RAP2A: variants seen among roughly 807,000 people sequenced by gnomAD.
The protein encoded by RAP2A is RAP2A, member of RAS oncogene family, also known as ras-related protein Rap-2a.
RAP2A carries 5 observed loss-of-function variants against 15.1 expected under a neutral mutation model. The observed-to-expected ratio is 0.33, with a 90% CI of 0.17 to 0.70. The LOEUF (loss-of-function observed/expected upper bound fraction) is 0.70, where lower values mean the gene tolerates loss of function less well. Ranked by LOEUF, RAP2A falls within the 30% of genes least tolerant of loss-of-function variation. The pLI, the probability that RAP2A is intolerant of heterozygous loss-of-function variation, is 0.68. For synonymous variants in RAP2A, 110 were observed against 99.7 expected, an observed-to-expected ratio of 1.10 and a Z score of -0.62; for missense variants, 111 against 240.3, an observed-to-expected ratio of 0.46 and a Z score of 3.56.
chr13:97,434,344 G>T lies in RAP2A; in HGVS notation c.-127G>T. The T allele has an allele frequency of 7.9e-6, 6 of 761,572 alleles. No homozygotes were observed. The highest frequency in any genetic ancestry group is 9.5e-6 in the Non-Finnish European group (6 of 628,484). The allele number at this position is 761,572 out of a possible 1,614,324, so 47.2% of individuals were successfully genotyped here. A position where few individuals can be genotyped will look rare whatever the true frequency, so the allele number is the denominator to read the frequency against. On this transcript the variant is annotated 5_prime_UTR_variant, in exon 1 of 2. Transcript: ENST00000245304. ...CCGCCGGCGCCCAGGGGGCCGCCGC[G>T]GCTGTGAGGTGGGGGCGGCAGCGGG...
intron 1 of RAP2A, among the ~76,000 whole-genome samples, chr13:97,442,738 C>G (rs1177286133): frequency 1.3e-5 from 2 of 152,144 alleles, no homozygotes; most frequent in African/African-American, 4.8e-5. Context: ...TCTAAGAAAA[C>G]TAAATGTAAC....
chr13:97,447,585 C>A (rs75177904), intron 1 of RAP2A, among the ~76,000 whole-genome samples: 5 of 152,142 alleles, frequency 3.3e-5, no homozygotes, highest in Non-Finnish European at 7.4e-5. Context: ...TGCATCAAAT[C>A]AATTTAAGCA....
intron 1 of RAP2A, among the ~76,000 whole-genome samples, chr13:97,435,370 CAG>C (rs1482500449): frequency 4.1e-5 from 6 of 148,078 alleles, no homozygotes; most frequent in Non-Finnish European, 8.9e-5. Context: ...AGAATATTAA[CAG>C]AGGAGTACAA....
intron 1 of RAP2A, among the ~76,000 whole-genome samples, chr13:97,456,826 A>G (rs766917368): frequency 6.6e-6 from 1 of 151,922 alleles, no homozygotes; most frequent in Non-Finnish European, 1.5e-5. Flanking sequence ...TATTCAAGCT[A>G]AATTACCAGA....
chr13:97,435,917 A>G (rs2066632225), intron 1 of RAP2A: 1 of 152,190 alleles, frequency 6.6e-6, no homozygotes, highest in Admixed American at 6.5e-5. Context: ...ACACAGTCAC[A>G]TTGTAAGTCA....
At chr13:97,463,334 T>G (rs1408010198) in intron 1 of RAP2A, among the ~76,000 whole-genome samples, 1 of 152,230 alleles carries the variant, frequency 6.6e-6, no homozygotes, top group Non-Finnish European at 1.5e-5. Flanking sequence ...TAGGAGCTTC[T>G]TTCTTTGTTC....
At chr13:97,439,257 T>C (rs960740132) in intron 1 of RAP2A, among the ~76,000 whole-genome samples, 2 of 152,192 alleles carry the variant, frequency 1.3e-5, no homozygotes, top group African/African-American at 4.8e-5. Flanking sequence ...ACAATTGTCA[T>C]AGGTATAGCA....
chr13:97,442,982 A>C (rs998278862), intron 1 of RAP2A, among the ~76,000 whole-genome samples: 4 of 152,228 alleles, frequency 2.6e-5, no homozygotes, highest in Admixed American at 2.0e-4. Flanking sequence ...AATGTTGTTC[A>C]TTCTAGTAAT....
rs2066782548 is a variant in RAP2A at position 97,468,589 on chromosome 13, A to T, written c.*4147A>T. On this transcript the variant is annotated 3_prime_UTR_variant, in exon 2 of 2. Transcript: ENST00000245304. The stretch of plus-strand genomic sequence containing the variant: ...TCAAACTCTGTTGAAATCCTCTGGC[A>T]GCATTCCACCAGTTGAGAAGCTTCA... The T allele has an allele frequency of 6.6e-6, 1 of 152,258 alleles. No homozygotes were observed. The highest frequency in any genetic ancestry group is 1.5e-5 in the Non-Finnish European group (1 of 68,058). 9.4% of individuals were successfully genotyped at this position (152,258 alleles called of 1,614,324 possible).
At chr13:97,456,804 G>A (rs1348845338) in intron 1 of RAP2A, among the ~76,000 whole-genome samples, 1 of 152,098 alleles carries the variant, frequency 6.6e-6, no homozygotes, top group Non-Finnish European at 1.5e-5. Context: ...CTGGACTGTG[G>A]TTTTCTTTAA....
intron 1 of RAP2A, among the ~76,000 whole-genome samples, chr13:97,436,962 A>G (rs9584577): frequency 0.04 from 6,145 of 152,274 alleles, 200 homozygotes; most frequent in African/African-American, 0.087. Flanking sequence ...TGGAGAGGAC[A>G]TGTGAATGCA....
intron 1 of RAP2A, among the ~76,000 whole-genome samples, chr13:97,444,904 G>A (rs2066673436): frequency 6.6e-6 from 1 of 152,124 alleles, no homozygotes; most frequent in Non-Finnish European, 1.5e-5. Context: ...CTTCGACTGT[G>A]TAATTTATAA....
chr13:97,444,390 A>G (rs562796227), intron 1 of RAP2A, among the ~76,000 whole-genome samples: 11 of 152,346 alleles, frequency 7.2e-5, no homozygotes, highest in African/African-American at 2.4e-4. Flanking sequence ...TAATGACAGT[A>G]GACCTCTTTA....
chr13:97,436,538 C>A (rs1350137425), intron 1 of RAP2A, among the ~76,000 whole-genome samples: 1 of 152,128 alleles, frequency 6.6e-6, no homozygotes, highest in Non-Finnish European at 1.5e-5. Flanking sequence ...ATACCCATGG[C>A]TAACTTCTTG....
intron 1 of RAP2A, among the ~76,000 whole-genome samples, chr13:97,457,450 G>A (rs191553874): frequency 2.5e-3 from 380 of 151,916 alleles, no homozygotes; most frequent in African/African-American, 3.4e-3. Context: ...CCATTAATAC[G>A]ATACATATTA....
Position 97,468,944 on chromosome 13 carries a change from A to G in RAP2A, c.*4502A>G, listed in dbSNP as rs2066783927. 1 of 152,194 alleles carries G rather than the reference A, an allele frequency of 6.6e-6. No homozygotes were observed. The highest frequency in any genetic ancestry group is 6.5e-5 in the Admixed American group (1 of 15,274). The allele number at this position is 152,194 out of a possible 1,614,324, so 9.4% of individuals were successfully genotyped here. A position where few individuals can be genotyped will look rare whatever the true frequency, so the allele number is the denominator to read the frequency against. On this transcript the variant is annotated 3_prime_UTR_variant, in exon 2 of 2. Transcript: ENST00000245304. The stretch of plus-strand genomic sequence containing the variant: ...GGAACCCAACTGACCTCTAGGATCT[A>G]TGAAGCAGAGAATATTACCACAAAC...
At chr13:97,462,712 ATT>A (rs2066753060) in intron 1 of RAP2A, among the ~76,000 whole-genome samples, 1 of 152,172 alleles carries the variant, frequency 6.6e-6, no homozygotes, top group African/African-American at 2.4e-5. Context: ...CCTTCCACTC[ATT>A]TTTAAGTTGT....
chr13:97,453,153 A>G (rs2066709707), intron 1 of RAP2A, among the ~76,000 whole-genome samples: 1 of 151,552 alleles, frequency 6.6e-6, no homozygotes, highest in Non-Finnish European at 1.5e-5. Flanking sequence ...AGCATAAATT[A>G]CATATGTAAT....
At chr13:97,450,332 T>G (rs756913201) in intron 1 of RAP2A, among the ~76,000 whole-genome samples, 4 of 152,194 alleles carry the variant, frequency 2.6e-5, no homozygotes, top group Non-Finnish European at 4.4e-5. Flanking sequence ...AGTAACTGAC[T>G]CAATTTAATC....
Sources: gnomAD v4.1 joint callset for allele counts (sites outside exome capture counted in the v4.1 genomes callset) on GRCh38, gnomAD v4.1.1 for gene constraint, MANE v1.5 for transcripts, NCBI Gene and HGNC (gene_info 2026-07-23, HGNC 2026-07-21) for gene names.